The following GRIK2 variants were observed in gnomAD, a reference collection of about 807,000 sequenced individuals.
GRIK2 encodes glutamate ionotropic receptor kainate type subunit 2.
A neutral mutation model predicts 100.3 loss-of-function variants in GRIK2; 32 were observed. That is an observed-to-expected ratio of 0.32 (90% CI 0.24 to 0.43). The LOEUF (loss-of-function observed/expected upper bound fraction) is 0.43, where lower values mean the gene tolerates loss of function less well. GRIK2 is among the 20% of genes least tolerant of loss of function. The probability of loss-of-function intolerance (pLI) is 1.00; values close to 1 mark genes in which losing one functional copy is unlikely to be tolerated. For missense variants in GRIK2, 843 were observed against 1,114.9 expected (o/e 0.76, Z 3.47); for synonymous variants, 417 against 389.4 (o/e 1.07, Z -0.83).
chr6:102,068,362 G>T lies in GRIK2; in HGVS notation c.2578G>T (p.Ala860Ser). Residue 860 changes from alanine to serine, a missense_variant, in exon 17 of 17, where the codon GCC (alanine) becomes TCC (serine). Ala to Ser is a moderately conservative substitution (Grantham distance 99). This residue lies in a region of GRIK2 where 87 missense variants were observed against 83.2 expected (regional missense o/e 1.05). Coordinates refer to ENST00000369134, the MANE Select transcript of GRIK2 (RefSeq NM_021956.5). ...AQLEKRSFCS[A>S]MVEELRMSLK... The stretch of plus-strand genomic sequence containing the variant: ...TCTTCTGTAGAGGTCCTTCTGTAGT[G>T]CCATGGTAGAAGAATTGAGGATGTC... 2 of 1,610,818 alleles carry T rather than the reference G, an allele frequency of 1.2e-6. No homozygotes were observed. The highest frequency in any genetic ancestry group is 1.7e-6 in the Non-Finnish European group (2 of 1,177,648).
intron 2 of GRIK2, among the ~76,000 whole-genome samples, chr6:101,447,505 C>T (rs1003419287): frequency 6.6e-6 from 1 of 151,688 alleles, no homozygotes; most frequent in African/African-American, 2.4e-5. Flanking sequence ...AAGCTGTAAT[C>T]AGCCAGTTAT....
intron 12 of GRIK2, among the ~76,000 whole-genome samples, chr6:101,924,043 T>C (rs1489683906): frequency 1.3e-5 from 2 of 152,114 alleles, no homozygotes; most frequent in Non-Finnish European, 2.9e-5. Context: ...AGTAGATTCT[T>C]ATTTTTTTGT....
intron 2 of GRIK2, among the ~76,000 whole-genome samples, chr6:101,566,456 T>G (rs1777281582): frequency 6.6e-6 from 1 of 151,812 alleles, no homozygotes; most frequent in African/African-American, 2.4e-5. Context: ...AAAAATTTTC[T>G]CCTTTAACAA....
At chr6:101,436,672 G>GTA (rs1484401946) in intron 2 of GRIK2, among the ~76,000 whole-genome samples, 3 of 151,794 alleles carry the variant, frequency 2.0e-5, no homozygotes, top group Non-Finnish European at 4.4e-5. Flanking sequence ...TTCATTTTAT[G>GTA]TATAAATCTT....
At chr6:101,747,300 G>A (rs947267079) in intron 7 of GRIK2, among the ~76,000 whole-genome samples, 8 of 152,134 alleles carry the variant, frequency 5.3e-5, no homozygotes, top group Non-Finnish European at 8.8e-5. Context: ...TATTATGATG[G>A]CATCATTCAT....
At chr6:101,506,181 A>G (rs1034008316) in intron 2 of GRIK2, among the ~76,000 whole-genome samples, 9 of 152,144 alleles carry the variant, frequency 5.9e-5, no homozygotes, top group Non-Finnish European at 1.3e-4. Context: ...TTTAACATCC[A>G]CTAGCTGAAC....
At chr6:101,632,647 T>A (rs952176210) in intron 4 of GRIK2, among the ~76,000 whole-genome samples, 1 of 152,240 alleles carries the variant, frequency 6.6e-6, no homozygotes, top group Admixed American at 6.6e-5. Context: ...TATATGTGAG[T>A]ATATACATAT....
At chr6:101,632,487 G>A (rs1010570553) in intron 4 of GRIK2, among the ~76,000 whole-genome samples, 1 of 152,062 alleles carries the variant, frequency 6.6e-6, no homozygotes, top group Non-Finnish European at 1.5e-5. Flanking sequence ...AGTCAAATTT[G>A]GTTAAGTAGC....
intron 2 of GRIK2, among the ~76,000 whole-genome samples, chr6:101,538,808 A>G (rs1391661249): frequency 6.6e-6 from 1 of 151,728 alleles, no homozygotes; most frequent in Non-Finnish European, 1.5e-5. Flanking sequence ...CCGAATAAAT[A>G]TCTGAGATTT....
At chr6:101,831,712 G>C (rs569394946) in intron 10 of GRIK2, among the ~76,000 whole-genome samples, 4 of 152,004 alleles carry the variant, frequency 2.6e-5, no homozygotes, top group African/African-American at 9.6e-5. Flanking sequence ...TTAGTTTTTG[G>C]CATGTCCAAT....
At chr6:102,039,011 G>GA (rs1054230778) in intron 15 of GRIK2, among the ~76,000 whole-genome samples, 9 of 150,884 alleles carry the variant, frequency 6.0e-5, no homozygotes, top group African/African-American at 1.5e-4. Context: ...TGGGAAATCA[G>GA]AAAAAAAATT....
chr6:101,871,105 C>T (rs764329504), intron 11 of GRIK2, among the ~76,000 whole-genome samples: 4 of 151,744 alleles, frequency 2.6e-5, no homozygotes, highest in Non-Finnish European at 5.9e-5. Flanking sequence ...ATAGTACATG[C>T]TGTAATAAAA....
At chr6:101,684,498 C>T (rs1301946000) in intron 6 of GRIK2, among the ~76,000 whole-genome samples, 2 of 152,152 alleles carry the variant, frequency 1.3e-5, no homozygotes, top group African/African-American at 4.8e-5. Context: ...TCCACTCACA[C>T]TTTGAATTCT....
intron 4 of GRIK2, among the ~76,000 whole-genome samples, chr6:101,636,582 C>T (rs985675685): frequency 6.6e-6 from 1 of 152,036 alleles, no homozygotes; most frequent in South Asian, 2.1e-4. Context: ...GACTAATTCT[C>T]AAGTTTTAAA....
At chr6:101,548,498 T>A (rs1366511187) in intron 2 of GRIK2, among the ~76,000 whole-genome samples, 1 of 152,190 alleles carries the variant, frequency 6.6e-6, no homozygotes, top group East Asian at 1.9e-4. Flanking sequence ...AATTTTTGTA[T>A]AAGGTGTAAG....
intron 2 of GRIK2, among the ~76,000 whole-genome samples, chr6:101,517,451 G>A (rs183199935): frequency 2.4e-3 from 370 of 152,238 alleles, no homozygotes; most frequent in African/African-American, 8.4e-3. Context: ...TGTGAAATGC[G>A]GTGGTCCTCA....
chr6:101,499,806 G>T (rs1272783869), intron 2 of GRIK2, among the ~76,000 whole-genome samples: 1 of 152,088 alleles, frequency 6.6e-6, no homozygotes, highest in East Asian at 1.9e-4. Context: ...ATCCATTAGG[G>T]TGGGGACCAT....
In GRIK2 at chr6:102,048,062, C is replaced by A. The variant is rs1054564741; in HGVS notation, c.2312-7268C>A. On this transcript the variant is annotated intron_variant, in intron 15 of 16. Transcript: ENST00000369134. Reference sequence around the variant, plus strand: ...ACTGTATGGAGGGTGCAGAAATGAACCCACACTGTATGGTCAATTGTCAAA... The same window carrying A: ...ACTGTATGGAGGGTGCAGAAATGAAACCACACTGTATGGTCAATTGTCAAA... Among the ~76,000 whole-genome samples, 3 of 125,634 alleles carry A rather than the reference C, an allele frequency of 2.4e-5. No individual in the cohort carries two copies. The Admixed American group carries it at 2.4e-4, about 10-fold the overall frequency. 82.4% of individuals were successfully genotyped at this position (125,634 alleles called of 152,430 possible). A position where few individuals can be genotyped will look rare whatever the true frequency, so the allele number is the denominator to read the frequency against.
chr6:101,495,968 T>C (rs1582578161), intron 2 of GRIK2, among the ~76,000 whole-genome samples: 1 of 152,150 alleles, frequency 6.6e-6, no homozygotes. Context: ...TATTTTTAGA[T>C]GGAGTCTCAC....
Sources: allele counts gnomAD v4.1 joint callset (sites outside exome capture counted in the v4.1 genomes callset), GRCh38; gene constraint gnomAD v4.1.1; regional missense constraint gnomAD v4.1.1; transcripts MANE v1.5; gene names NCBI Gene and HGNC (gene_info 2026-07-23, HGNC 2026-07-21).